NRG3: variants seen among roughly 807,000 people sequenced by gnomAD.
NRG3 encodes the protein neuregulin 3, also known as pro-neuregulin-3, membrane-bound isoform.
NRG3 carries 31 observed loss-of-function variants against 66.9 expected under a neutral mutation model. The ratio of observed to expected loss-of-function variants is 0.46; its 90% CI spans 0.35 to 0.63. The LOEUF is 0.63. Ranked by LOEUF, NRG3 falls within the 20% of genes least tolerant of loss-of-function variation. The pLI, the probability that NRG3 is intolerant of heterozygous loss-of-function variation, is 0.00. For missense variants in NRG3, 910 were observed against 878.9 expected, an observed-to-expected ratio of 1.04 and a Z score of -0.45; for synonymous variants, 393 against 359.4, an observed-to-expected ratio of 1.09 and a Z score of -1.06.
intron 4 of NRG3, among the ~76,000 whole-genome samples, chr10:82,888,075 A>G (rs1437302608): frequency 6.6e-6 from 1 of 152,206 alleles, no homozygotes; most frequent in Non-Finnish European, 1.5e-5. Flanking sequence ...GTATCAAACA[A>G]GGGCTATTTA....
At chr10:82,322,910 A>G (rs1037584295) in intron 1 of NRG3, among the ~76,000 whole-genome samples, 1 of 152,194 alleles carries the variant, frequency 6.6e-6, no homozygotes, top group Non-Finnish European at 1.5e-5. Flanking sequence ...AAAATCATTT[A>G]AAAAGAGTCT....
intron 2 of NRG3, among the ~76,000 whole-genome samples, chr10:82,582,921 T>G (rs1295390169): frequency 1.3e-5 from 2 of 152,134 alleles, no homozygotes; most frequent in Non-Finnish European, 2.9e-5. Flanking sequence ...TTGAGCATAC[T>G]TTTTACTTGG....
At chr10:82,689,713 C>T (rs991628021) in intron 2 of NRG3, among the ~76,000 whole-genome samples, 2 of 152,178 alleles carry the variant, frequency 1.3e-5, no homozygotes, top group East Asian at 1.9e-4. Context: ...GGCACATTCT[C>T]AGTTCTAGTT....
chr10:82,512,286 TA>T (rs1302800434), intron 2 of NRG3, among the ~76,000 whole-genome samples: 4 of 151,620 alleles, frequency 2.6e-5, no homozygotes, highest in Admixed American at 6.6e-5. Context: ...ATTTATCTTT[TA>T]TTTTTTTTTA....
intron 1 of NRG3, among the ~76,000 whole-genome samples, chr10:82,015,315 T>G (rs2061739029): frequency 6.6e-6 from 1 of 152,174 alleles, no homozygotes; most frequent in South Asian, 2.1e-4. Context: ...CTTTTCTAGA[T>G]TTTCCCACAA....
intron 1 of NRG3, among the ~76,000 whole-genome samples, chr10:82,246,501 T>C (rs2077249860): frequency 6.6e-6 from 1 of 152,182 alleles, no homozygotes; most frequent in Non-Finnish European, 1.5e-5. Flanking sequence ...TTCACTGAGA[T>C]AAATAATGAG....
chr10:82,398,013 T>C (rs1189473374), intron 2 of NRG3, among the ~76,000 whole-genome samples: 1 of 152,216 alleles, frequency 6.6e-6, no homozygotes, highest in East Asian at 1.9e-4. Flanking sequence ...AGCCCAGTTC[T>C]GACCTGTCAA....
chr10:82,259,718 C>T (rs929967885), intron 1 of NRG3, among the ~76,000 whole-genome samples: 6 of 152,046 alleles, frequency 3.9e-5, no homozygotes, highest in East Asian at 1.9e-4. Flanking sequence ...GCATCAGCCC[C>T]GGAGTTTGAG....
intron 1 of NRG3, among the ~76,000 whole-genome samples, chr10:81,927,444 GT>G (rs1327693581): frequency 9.2e-5 from 14 of 152,176 alleles, no homozygotes; most frequent in African/African-American, 3.4e-4. Flanking sequence ...TATTAACTAT[GT>G]TGAGATCAAC....
At chr10:82,214,433 T>A (rs1334233135) in intron 1 of NRG3, among the ~76,000 whole-genome samples, 1 of 152,096 alleles carries the variant, frequency 6.6e-6, no homozygotes, top group Non-Finnish European at 1.5e-5. Flanking sequence ...AGGCAGGTAA[T>A]TGATCTTACT....
At chr10:82,506,015 A>C (rs1342028953) in intron 2 of NRG3, among the ~76,000 whole-genome samples, 1 of 152,226 alleles carries the variant, frequency 6.6e-6, no homozygotes, top group African/African-American at 2.4e-5. Flanking sequence ...TGGGAGGCCG[A>C]GGCAGGCGGA....
chr10:82,911,997 G>T (rs562079561), intron 4 of NRG3, among the ~76,000 whole-genome samples: 3 of 151,782 alleles, frequency 2.0e-5, no homozygotes, highest in East Asian at 3.9e-4. Flanking sequence ...TTTGATTCAT[G>T]TGTTTCTTAT....
rs141176003 is a variant in NRG3 at position 82,595,091 on chromosome 10, G to A, written c.954-143486G>A. 4.6e-3 allele frequency among the ~76,000 whole-genome samples: 701 copies of A among 152,134 alleles called. 5 individuals are homozygous for A. Among genetic ancestry groups the A allele is most frequent in the African/African-American group, 0.016 (667 of 41,490 alleles). The stretch of plus-strand genomic sequence containing the variant: ...CCATTTCAGCCTCCCAAAGTGCTGG[G>A]ATTCCAGATTTGATCCACCATGCCC... On this transcript the variant is annotated intron_variant, in intron 2 of 8. Transcript: ENST00000372141.
chr10:82,509,132 TC>T (rs1463700933), intron 2 of NRG3, among the ~76,000 whole-genome samples: 10 of 152,062 alleles, frequency 6.6e-5, no homozygotes, highest in African/African-American at 2.4e-4. Context: ...CAAACTCCCC[TC>T]CCTCCTCTGT....
At chr10:82,006,994 A>G (rs1346788803) in intron 1 of NRG3, among the ~76,000 whole-genome samples, 2 of 152,084 alleles carry the variant, frequency 1.3e-5, no homozygotes, top group Non-Finnish European at 2.9e-5. Context: ...AATTGCTTTG[A>G]TTTTATATAT....
intron 2 of NRG3, among the ~76,000 whole-genome samples, chr10:82,487,454 G>C: frequency 6.6e-6 from 1 of 152,046 alleles, no homozygotes. Flanking sequence ...CCACCTGAGG[G>C]ACCAGCTTTG....
intron 1 of NRG3, among the ~76,000 whole-genome samples, chr10:82,305,983 A>T (rs942960416): frequency 6.6e-6 from 1 of 152,226 alleles, no homozygotes; most frequent in African/African-American, 2.4e-5. Context: ...AGGCTGAGAG[A>T]GATATATTTA....
chr10:82,937,329 A>G lies in NRG3; in HGVS notation c.1055-14140A>G, dbSNP rs546030413. Among the ~76,000 whole-genome samples the G allele has an allele frequency of 3.3e-5, 5 of 152,352 alleles. No homozygotes were observed. The South Asian group carries it at 8.3e-4, about 25-fold the overall frequency. ...TCTTCCAGTGACCCAGTAGGCAGATATTATGATCATCACCACATTTCACAT... is the reference window on the plus strand; with the variant it reads ...TCTTCCAGTGACCCAGTAGGCAGATGTTATGATCATCACCACATTTCACAT... On this transcript the variant is annotated intron_variant, in intron 4 of 8. Transcript: ENST00000372141.
chr10:82,029,081 C>A (rs545097060), intron 1 of NRG3, among the ~76,000 whole-genome samples: 1 of 152,050 alleles, frequency 6.6e-6, no homozygotes, highest in East Asian at 1.9e-4. Context: ...TGGTCGTGGG[C>A]GCTTGTAATC....
Sources: allele counts gnomAD v4.1 joint callset (sites outside exome capture counted in the v4.1 genomes callset), GRCh38; gene constraint gnomAD v4.1.1; transcripts MANE v1.5; gene names NCBI Gene and HGNC (gene_info 2026-07-23, HGNC 2026-07-21).